The following ELF1 variants were observed in gnomAD, a reference collection of about 807,000 sequenced individuals.
ELF1 encodes E74 like ETS transcription factor 1.
Under a neutral mutation model 59.9 loss-of-function variants are expected in ELF1, and 24 were observed. The observed-to-expected ratio is 0.40, with a 90% CI of 0.29 to 0.56. The LOEUF (loss-of-function observed/expected upper bound fraction) is 0.56, where lower values mean the gene tolerates loss of function less well. ELF1 is among the 20% of genes least tolerant of loss of function. ELF1 has a pLI of 0.44. For synonymous variants in ELF1, 248 were observed against 266.2 expected, an observed-to-expected ratio of 0.93 and a Z score of 0.67; for missense variants, 627 against 742.2, an observed-to-expected ratio of 0.84 and a Z score of 1.80.
rs368384647 is a variant in ELF1 at position 41,060,443 on chromosome 13, GC to G, written c.-229+394del. Among the ~76,000 whole-genome samples the G allele has an allele frequency of 3.3e-3, 507 of 152,318 alleles. 3 individuals carry two copies. The highest frequency in any genetic ancestry group is 5.4e-3 in the Non-Finnish European group (367 of 68,024). On this transcript the variant is annotated intron_variant, in intron 1 of 1. Coordinates refer to the ELF1 transcript ENST00000405737. ...CTCCCGGGCGTCTGGAAAACTACGG[GC>G]CGGAGGGGCGGGGGAGCAGCCCAGG...
At chr13:41,049,796 G>A (rs1386745893) in intron 1 of ELF1, among the ~76,000 whole-genome samples, 1 of 152,176 alleles carries the variant, frequency 6.6e-6, no homozygotes, top group Non-Finnish European at 1.5e-5. Flanking sequence ...TGCCATGCGT[G>A]TACACTTAAG....
intron 7 of ELF1, among the ~76,000 whole-genome samples, chr13:40,942,439 T>A (rs775045116): frequency 2.2e-4 from 33 of 152,214 alleles, no homozygotes; most frequent in Non-Finnish European, 4.1e-4. Flanking sequence ...AAAATTCTCA[T>A]GATTTCTAGT....
At chr13:40,999,386 G>C (rs965345120) in intron 1 of ELF1, among the ~76,000 whole-genome samples, 1 of 152,180 alleles carries the variant, frequency 6.6e-6, no homozygotes, top group African/African-American at 2.4e-5. Flanking sequence ...TATTGTGTCT[G>C]TGCGTGTATG....
intron 1 of ELF1, among the ~76,000 whole-genome samples, chr13:40,992,596 GGTTATT>G: frequency 1.3e-5 from 2 of 151,848 alleles, no homozygotes; most frequent in South Asian, 4.1e-4. Context: ...TATTACATTT[GGTTATT>G]GTCATCAATG....
intron 1 of ELF1, among the ~76,000 whole-genome samples, chr13:41,033,729 C>T (rs1876263089): frequency 6.6e-6 from 1 of 152,180 alleles, no homozygotes; most frequent in Non-Finnish European, 1.5e-5. Context: ...CAGTTTCATC[C>T]TGAAACCATC....
chr13:40,939,310 T>C (rs1347239452), intron 8 of ELF1, among the ~76,000 whole-genome samples: 1 of 152,116 alleles, frequency 6.6e-6, no homozygotes, highest in African/African-American at 2.4e-5. Flanking sequence ...TAGCTAGACT[T>C]TGTCTCAAAA....
At position 41,046,043 on chromosome 13, in the gene ELF1, CTTCT is replaced by C. The variant is rs573812954; in HGVS notation, c.-229+14791_-229+14794del. Among the ~76,000 whole-genome samples, 173 of 152,128 alleles carry C rather than the reference CTTCT, an allele frequency of 1.1e-3. 1 individual carries two copies. The highest frequency in any genetic ancestry group is 1.7e-3 in the Non-Finnish European group (118 of 68,016). ...GATCCCTTTACCATTATGTAATGGC[CTTCT>C]TTGTCTCTTTTGATCTTTGCTGGTT... On this transcript the variant is annotated intron_variant, in intron 1 of 1. Coordinates refer to the ELF1 transcript ENST00000405737.
chr13:40,948,362 G>C (rs907716687), intron 5 of ELF1, among the ~76,000 whole-genome samples: 1 of 152,176 alleles, frequency 6.6e-6, no homozygotes, highest in Non-Finnish European at 1.5e-5. Context: ...ATCCCTTCAA[G>C]GGTCCCAGTT....
intron 1 of ELF1, among the ~76,000 whole-genome samples, chr13:41,037,973 T>C (rs1365398183): frequency 2.0e-5 from 3 of 151,590 alleles, no homozygotes; most frequent in Admixed American, 2.0e-4. Context: ...TCACTCTTGC[T>C]ACTGTCTCCC....
intron 1 of ELF1, among the ~76,000 whole-genome samples, chr13:41,049,433 T>A (rs1876994200): frequency 6.6e-6 from 1 of 152,146 alleles, no homozygotes; most frequent in Admixed American, 6.6e-5. Context: ...CCATTCCACC[T>A]CCATAATCCC....
intron 1 of ELF1, among the ~76,000 whole-genome samples, chr13:41,026,732 T>G (rs1391449217): frequency 1.3e-5 from 2 of 152,142 alleles, no homozygotes; most frequent in Non-Finnish European, 2.9e-5. Flanking sequence ...CCTGACCCAC[T>G]CCAAGCCACA....
At chr13:40,954,552 AT>A (rs1871086654) in intron 3 of ELF1, among the ~76,000 whole-genome samples, 1 of 151,508 alleles carries the variant, frequency 6.6e-6, no homozygotes, top group African/African-American at 2.4e-5. Flanking sequence ...TCCCTGCCTG[AT>A]TCTCCTGCCT....
rs976068572 is a variant in ELF1, at chr13:40,933,767, C to T, written c.1518G>A (p.Gln506=). ...TGGTCTGAACATTGCTAGTAAGGACCTGCTGAACCTGGGCAGGGCCCAAGA... is the reference window on the plus strand; with the variant it reads ...TGGTCTGAACATTGCTAGTAAGGACTTGCTGAACCTGGGCAGGGCCCAAGA... The part of the protein sequence containing the change: ...SIVLGPAQVQ[Q]VLTSNVQTIC... The change falls in exon 9 of 9, where the codon CAG becomes CAA. Residue 506 remains glutamine, a synonymous_variant. Coordinates refer to ENST00000239882, the MANE Select transcript of ELF1 (RefSeq NM_172373.4). The T allele has an allele frequency of 6.2e-6, 10 of 1,614,258 alleles. 1 individual carries two copies. The highest frequency in any genetic ancestry group is 1.3e-5 in the African/African-American group (1 of 75,076).
In ELF1 at chr13:40,932,853, A is replaced by G. The variant is rs1031336254; in HGVS notation, c.*572T>C. On this transcript the variant is annotated 3_prime_UTR_variant, in exon 9 of 9. Coordinates refer to ENST00000239882, the MANE Select transcript of ELF1 (RefSeq NM_172373.4). ...ATTCTTAGGCTGATGCTTTTATACT[A>G]TCCTGCTTCTGAAACAGGGTCAGCC... The G allele has an allele frequency of 6.5e-6, 1 of 153,110 alleles. No individual in the cohort carries two copies. Among genetic ancestry groups the G allele is most frequent in the African/African-American group, 2.4e-5 (1 of 41,420 alleles). 9.5% of individuals were successfully genotyped at this position (153,110 alleles called of 1,614,324 possible).
At chr13:41,037,215 A>C (rs1396955536) in intron 1 of ELF1, among the ~76,000 whole-genome samples, 1 of 152,146 alleles carries the variant, frequency 6.6e-6, no homozygotes, top group Non-Finnish European at 1.5e-5. Context: ...ACAATGTGCT[A>C]AGCGTTTTTA....
rs200003493 is a variant in ELF1, at chr13:40,949,828, T to C, written c.507A>G (p.Pro169=). 146 of 1,614,154 alleles carry C rather than the reference T, an allele frequency of 9.0e-5. 1 individual carries two copies. In the Middle Eastern group the frequency reaches 1.8e-3, roughly 20 times the overall value. Residue 169 remains proline (P), a synonymous_variant, in exon 5 of 9, where the codon CCA becomes CCG. Coordinates refer to ENST00000239882, the MANE Select transcript of ELF1 (RefSeq NM_172373.4). The part of the protein sequence containing the change: ...KYADSPGASS[P]EQPKRKKGRK... ...TACCTTTTTTCCTCTTAGGCTGTTC[T>C]GGTGATGAGGCTCCCGGTGAGTCTG... is the stretch of plus-strand genomic sequence containing the variant.
chr13:40,957,853 G>A (rs369605771), intron 3 of ELF1, among the ~76,000 whole-genome samples: 16 of 152,204 alleles, frequency 1.1e-4, no homozygotes, highest in African/African-American at 2.9e-4. Flanking sequence ...ACCTTTCCCC[G>A]ATTTAAAACA....
upstream of ELF1, among the ~76,000 whole-genome samples, chr13:41,020,818 T>C (rs1450136234): frequency 6.6e-6 from 1 of 152,158 alleles, no homozygotes; most frequent in Non-Finnish European, 1.5e-5. Flanking sequence ...ATTTTCCATA[T>C]CTGAAATTTA....
chr13:40,988,840 G>A (rs1208067940), intron 1 of ELF1, among the ~76,000 whole-genome samples: 7 of 151,806 alleles, frequency 4.6e-5, no homozygotes, highest in African/African-American at 9.7e-5. Context: ...TTGCTCTATC[G>A]CTTAGGCTGG....
Sources: allele counts gnomAD v4.1 joint callset (sites outside exome capture counted in the v4.1 genomes callset), GRCh38; gene constraint gnomAD v4.1.1; transcripts MANE v1.5; gene names NCBI Gene and HGNC (gene_info 2026-07-23, HGNC 2026-07-21).